The following RGS7 variants were observed in gnomAD, a reference collection of about 807,000 sequenced individuals.
RGS7 encodes the protein regulator of G-protein signaling 7.
In RGS7, 27 loss-of-function variants were observed where a neutral mutation model predicts 81.1. That is an observed-to-expected ratio of 0.33 (90% CI 0.25 to 0.46). RGS7 has a LOEUF of 0.46. RGS7 is among the 20% of genes least tolerant of loss of function. RGS7 has a pLI of 1.00. For missense variants in RGS7, 396 were observed against 607.4 expected (o/e 0.65, Z 3.66); for synonymous variants, 208 against 207.7 (o/e 1.00, Z -0.01).
At chr1:241,253,026 G>C (rs2076906727) in intron 2 of RGS7, among the ~76,000 whole-genome samples, 1 of 152,220 alleles carries the variant, frequency 6.6e-6, no homozygotes, top group South Asian at 2.1e-4. Flanking sequence ...AGTGTGCCTT[G>C]AGACAGAGTT....
At chr1:240,858,350 TCCA>T (rs1661535140) in intron 9 of RGS7, among the ~76,000 whole-genome samples, 1 of 152,198 alleles carries the variant, frequency 6.6e-6, no homozygotes, top group Admixed American at 6.6e-5. Context: ...ATTTTGCATT[TCCA>T]CCAGCAGAGA....
Position 240,816,258 on chromosome 1 carries a change from T to C in RGS7, c.783+59A>G, listed in dbSNP as rs148574113. On this transcript the variant is annotated intron_variant, in intron 11 of 18. Transcript: ENST00000440928. Reference sequence around the variant, plus strand: ...ATACCCACTATTAACATTTACCCTCTGGTTTTCATAGCTGTTACTCTGTAA... The same window carrying C: ...ATACCCACTATTAACATTTACCCTCCGGTTTTCATAGCTGTTACTCTGTAA... 4,077 of 1,060,308 alleles carry C rather than the reference T, an allele frequency of 3.8e-3. 76 individuals carry two copies. The highest frequency in any genetic ancestry group is 0.024 in the South Asian group (1,941 of 79,860). 65.7% of individuals were successfully genotyped at this position (1,060,308 alleles called of 1,614,324 possible). A position where few individuals can be genotyped will look rare whatever the true frequency, so the allele number is the denominator to read the frequency against.
chr1:240,807,132 G>A (rs1365793847), intron 14 of RGS7, among the ~76,000 whole-genome samples: 2 of 152,292 alleles, frequency 1.3e-5, no homozygotes, highest in South Asian at 2.1e-4. Context: ...AAGAACCTGG[G>A]AGTGTGTTTT....
intron 3 of RGS7, among the ~76,000 whole-genome samples, chr1:241,029,667 C>T (rs968121076): frequency 2.6e-5 from 4 of 152,124 alleles, no homozygotes; most frequent in African/African-American, 7.2e-5. Context: ...CTCAGCATGC[C>T]GATCTATTTA....
At chr1:241,175,031 T>C (rs187226879) in intron 2 of RGS7, among the ~76,000 whole-genome samples, 1 of 150,118 alleles carries the variant, frequency 6.7e-6, no homozygotes, top group Admixed American at 6.7e-5. Context: ...GCCTCCTAAG[T>C]AGCTGGGATT....
At position 241,077,682 on chromosome 1, in the gene RGS7, T is replaced by C. The variant is rs552701911; in HGVS notation, c.175+20984A>G. Among the ~76,000 whole-genome samples the C allele has an allele frequency of 2.0e-5, 3 of 152,344 alleles. No individual in the cohort carries two copies. In the East Asian group the frequency reaches 5.8e-4, roughly 29 times the overall value. The stretch of plus-strand genomic sequence containing the variant: ...TCACACTGTTATCCTTCAGCACAGC[T>C]CTGTGCGCTGTTTGCCTCTCCTCCA... On this transcript the variant is annotated intron_variant, in intron 3 of 18. Transcript: ENST00000440928.
intron 3 of RGS7, among the ~76,000 whole-genome samples, chr1:241,014,508 T>C (rs1189264635): frequency 6.6e-6 from 1 of 152,232 alleles, no homozygotes; most frequent in Non-Finnish European, 1.5e-5. Flanking sequence ...TGTCTACAGG[T>C]ATCTACAGAA....
chr1:241,045,643 C>A (rs1166689025), intron 3 of RGS7, among the ~76,000 whole-genome samples: 3 of 152,186 alleles, frequency 2.0e-5, no homozygotes, highest in Admixed American at 2.0e-4. Context: ...GGATTACAGG[C>A]ATGAGCCACC....
At chr1:241,003,407 A>G (rs1374507361) in intron 3 of RGS7, among the ~76,000 whole-genome samples, 2 of 149,336 alleles carry the variant, frequency 1.3e-5, no homozygotes, top group Admixed American at 1.3e-4. Flanking sequence ...CTTGCAGTGA[A>G]CCGAGATCGC....
chr1:241,355,561 A>C lies in RGS7; in HGVS notation c.78+138T>G, dbSNP rs1488356062. ...CATTTGAGAATGTCAGATCACTTTC[A>C]CGTATATAGTACATAATCACTGATG... On this transcript the variant is annotated intron_variant, in intron 2 of 18. Transcript: ENST00000440928. 6 of 788,772 alleles carry C rather than the reference A, an allele frequency of 7.6e-6. No individual in the cohort carries two copies. The African/African-American group carries it at 1.0e-4, about 13-fold the overall frequency. The allele number at this position is 788,772 out of a possible 1,614,324, so 48.9% of individuals were successfully genotyped here. A position where few individuals can be genotyped will look rare whatever the true frequency, so the allele number is the denominator to read the frequency against.
intron 2 of RGS7, among the ~76,000 whole-genome samples, chr1:241,335,447 A>G (rs957732294): frequency 6.6e-6 from 1 of 152,220 alleles, no homozygotes; most frequent in East Asian, 1.9e-4. Context: ...CAAACTGCAA[A>G]ACTGCCACTT....
intron 6 of RGS7, among the ~76,000 whole-genome samples, chr1:240,893,397 A>T (rs1380009573): frequency 6.6e-6 from 1 of 152,230 alleles, no homozygotes; most frequent in Non-Finnish European, 1.5e-5. Flanking sequence ...TTTATATGTA[A>T]GAGCTCGTCA....
At chr1:241,323,058 AC>A (rs1386172057) in intron 2 of RGS7, among the ~76,000 whole-genome samples, 1 of 152,196 alleles carries the variant, frequency 6.6e-6, no homozygotes, top group Admixed American at 6.5e-5. Context: ...AAAATAAAAA[AC>A]AAGAGATTTT....
intron 2 of RGS7, among the ~76,000 whole-genome samples, chr1:241,327,024 A>AAGGGAGGGAGGGAGTGAGGG (rs1287666692): frequency 2.1e-3 from 1 of 472 alleles, no homozygotes; most frequent in East Asian, 0.083. Flanking sequence ...GGAAGGAAGG[A>AAGGGAGGGAGGGAGTGAGGG]AGGAAGGAAG....
intron 3 of RGS7, among the ~76,000 whole-genome samples, chr1:240,984,561 G>T (rs1328077622): frequency 6.6e-6 from 1 of 152,180 alleles, no homozygotes; most frequent in South Asian, 2.1e-4. Flanking sequence ...ACATTCATTT[G>T]TATTTAAAAT....
At chr1:241,036,815 G>A (rs1401322301) in intron 3 of RGS7, among the ~76,000 whole-genome samples, 1 of 152,166 alleles carries the variant, frequency 6.6e-6, no homozygotes, top group African/African-American at 2.4e-5. Context: ...ACCAGCCAAT[G>A]TAAGGTGAAC....
At chr1:240,979,990 T>A (rs1243604731) in intron 4 of RGS7, among the ~76,000 whole-genome samples, 2 of 152,156 alleles carry the variant, frequency 1.3e-5, no homozygotes, top group African/African-American at 4.8e-5. Flanking sequence ...TTTATAAAAG[T>A]GTACTCACAA....
intron 2 of RGS7, among the ~76,000 whole-genome samples, chr1:241,254,216 A>C (rs7413573): frequency 1.3e-5 from 2 of 151,116 alleles, no homozygotes; most frequent in African/African-American, 2.4e-5. Flanking sequence ...AAAAAAAAAA[A>C]GAAAGAAAGA....
In RGS7 at chr1:240,800,659, A is replaced by G; in HGVS notation, c.1476T>C (p.Thr492=). The change falls in exon 18 of 19, where the codon ACT becomes ACC. Residue 492 remains threonine, a synonymous_variant. Coordinates refer to ENST00000440928, the MANE Select transcript of RGS7 (RefSeq NM_001364886.1). The part of the protein sequence containing the change: ...KNCTPTLRAS[T]NLL ...TTTCTACCTCTTTTCATAACAGGTT[A>G]GTGCTGGCCCTCAGTGTTGGTGTAC... 18 of 1,545,808 alleles carry G rather than the reference A, an allele frequency of 1.2e-5. No homozygotes were observed. The highest frequency in any genetic ancestry group is 1.6e-5 in the Non-Finnish European group (18 of 1,143,270).
Sources: gnomAD v4.1 joint callset for allele counts (sites outside exome capture counted in the v4.1 genomes callset) on GRCh38, gnomAD v4.1.1 for gene constraint, MANE v1.5 for transcripts, NCBI Gene and HGNC (gene_info 2026-07-23, HGNC 2026-07-21) for gene names.